Variants in IGF2R observed in about 807,000 individuals in gnomAD.
The protein encoded by IGF2R is insulin like growth factor 2 receptor.
Under a neutral mutation model 270.6 loss-of-function variants are expected in IGF2R, and 91 were observed. The observed-to-expected ratio is 0.34, with a 90% CI of 0.28 to 0.40. The LOEUF (loss-of-function observed/expected upper bound fraction) is 0.40, where lower values mean the gene tolerates loss of function less well. IGF2R is among the 10% of genes least tolerant of loss of function. The pLI is 1.00. For missense variants in IGF2R, 2,805 were observed against 3,188.3 expected (o/e 0.88, Z 2.90); for synonymous variants, 1,316 against 1,258.9 (o/e 1.05, Z -0.96).
At position 160,048,427 on chromosome 6, in the gene IGF2R, T is replaced by A. The variant is rs1244497922; in HGVS notation, c.2398T>A (p.Ser800Thr). 2.5e-6 allele frequency: 4 copies of A among 1,614,250 alleles called. No homozygotes were observed. Among genetic ancestry groups the A allele is most frequent in the Admixed American group, 1.7e-5 (1 of 60,036 alleles). ...AGGAAACTGGTATGCCATGGACAAC[T>A]CAGGGGAACATGTCACGTGGAGGAA... ...LGGNWYAMDN[S>T]GEHVTWRKYY... The change falls in exon 18 of 48, where the codon TCA becomes ACA. Residue 800 changes from serine to threonine, a missense_variant. This residue lies in a region of IGF2R where 1,851 missense variants were observed against 2,207.2 expected (regional missense o/e 0.84). Transcript: ENST00000356956.
intron 41 of IGF2R, among the ~76,000 whole-genome samples, chr6:160,086,977 C>T (rs1026949194): frequency 1.3e-5 from 2 of 152,054 alleles, no homozygotes; most frequent in Non-Finnish European, 2.9e-5. Flanking sequence ...GGGCCCAGAC[C>T]GTTCCCAGAA....
At chr6:160,072,276 C>G (rs959710387) in intron 32 of IGF2R, among the ~76,000 whole-genome samples, 3 of 152,140 alleles carry the variant, frequency 2.0e-5, no homozygotes, top group African/African-American at 4.8e-5. Context: ...CTGTCACTCT[C>G]CTGGTGTGAG....
intron 2 of IGF2R, among the ~76,000 whole-genome samples, chr6:160,007,974 G>A (rs1296732389): frequency 1.3e-5 from 2 of 152,178 alleles, no homozygotes; most frequent in African/African-American, 2.4e-5. Context: ...TTAGACAGGG[G>A]TGTCCAATCT....
chr6:160,087,922 C>G, intron 41 of IGF2R, 111 bp from the exon 42 acceptor site: 1 of 689,004 alleles, frequency 1.5e-6, no homozygotes, highest in Admixed American at 2.1e-5. Flanking sequence ...GTGATCTGCC[C>G]TCTTTGGTTT....
intron 22 of IGF2R, 91 bp downstream of exon 22, chr6:160,059,189 ATCCCC>A: frequency 9.6e-7 from 1 of 1,041,558 alleles, no homozygotes; most frequent in Admixed American, 2.2e-5. Context: ...GGATGTGCAC[ATCCCC>A]CGCCACCATG....
chr6:159,969,798 G>T (rs1291686895), intron 1 of IGF2R, among the ~76,000 whole-genome samples: 1 of 152,214 alleles, frequency 6.6e-6, no homozygotes, highest in African/African-American at 2.4e-5. Context: ...TCAGAGTTTC[G>T]CCAGCGGGGC....
At chr6:159,979,545 G>A (rs763972953) in intron 1 of IGF2R, among the ~76,000 whole-genome samples, 2 of 152,236 alleles carry the variant, frequency 1.3e-5, no homozygotes, top group Non-Finnish European at 2.9e-5. Flanking sequence ...TGCTGGACAT[G>A]CGGAGGGAGA....
intron 1 of IGF2R, among the ~76,000 whole-genome samples, chr6:159,973,149 G>A (rs113767776): frequency 5.3e-5 from 8 of 152,146 alleles, no homozygotes; most frequent in African/African-American, 1.9e-4. Context: ...AGAAGAGAGG[G>A]CATTCAGGAG....
chr6:159,994,252 A>G (rs1784019693), intron 2 of IGF2R, among the ~76,000 whole-genome samples: 1 of 151,852 alleles, frequency 6.6e-6, no homozygotes, highest in African/African-American at 2.4e-5. Flanking sequence ...AGAGATGTTT[A>G]TAGTAGCCTC....
chr6:160,050,368 C>A lies in IGF2R; in HGVS notation c.2515-105C>A. On this transcript the variant is annotated intron_variant, in intron 18 of 47. Transcript: ENST00000356956. The surrounding 1 kb of genome is among the most constrained non-coding windows in gnomAD (Gnocchi z 4.0). Reference sequence around the variant, plus strand: ...TCCCCAGGAGCAGTGGTTCTGTATTCAATAATTCATTGTTTGCTGCAGCTT... The same window carrying A: ...TCCCCAGGAGCAGTGGTTCTGTATTAAATAATTCATTGTTTGCTGCAGCTT... The A allele has an allele frequency of 8.7e-7, 1 of 1,147,950 alleles. No individual in the cohort carries two copies. The highest frequency in any genetic ancestry group is 1.3e-6 in the Non-Finnish European group (1 of 795,806). The allele number at this position is 1,147,950 out of a possible 1,614,324, so 71.1% of individuals were successfully genotyped here. A position where few individuals can be genotyped will look rare whatever the true frequency, so the allele number is the denominator to read the frequency against.
Position 160,061,528 on chromosome 6 carries a change from G to C in IGF2R, c.3288G>C (p.Leu1096=). 6.2e-7 allele frequency: 1 copy of C among 1,614,138 alleles called. No homozygotes were observed. Among genetic ancestry groups the C allele is most frequent in the Non-Finnish European group, 8.5e-7 (1 of 1,180,016 alleles). The change falls in exon 24 of 48, where the codon CTG becomes CTC. Residue 1096 remains leucine, a synonymous_variant. Coordinates refer to ENST00000356956, the MANE Select transcript of IGF2R (RefSeq NM_000876.4). ...VTDLAGNEYD[L]TGLSTVRKPW... ...ACCTGGCTGGAAATGAGTACGACCT[G>C]ACTGGCCTAAGCACAGTCAGGAAAC... is the stretch of plus-strand genomic sequence containing the variant.
chr6:160,098,301 C>T (rs1455972250), intron 45 of IGF2R, among the ~76,000 whole-genome samples: 1 of 152,070 alleles, frequency 6.6e-6, no homozygotes, highest in Non-Finnish European at 1.5e-5. Context: ...CTCCAGGAAA[C>T]CTCGGTTTCA....
At chr6:159,984,836 T>C (rs1040803336) in intron 1 of IGF2R, among the ~76,000 whole-genome samples, 2 of 152,210 alleles carry the variant, frequency 1.3e-5, no homozygotes, top group African/African-American at 4.8e-5. Flanking sequence ...TCTGAAAATA[T>C]GAAGATATTT....
Position 160,061,654 on chromosome 6 carries a change from C to A in IGF2R, c.3406+8C>A. The A allele has an allele frequency of 1.2e-6, 2 of 1,614,098 alleles. No homozygotes were observed. The highest frequency in any genetic ancestry group is 1.7e-6 in the Non-Finnish European group (2 of 1,179,984). The stretch of plus-strand genomic sequence containing the variant: ...ACATTCCTGGATGCCAGGGTGAGTT[C>A]TCCTTGGTCTCTTGATTGGCGTCTG... On this transcript the variant is annotated splice_region_variant and intron_variant, in intron 24 of 47. Coordinates refer to ENST00000356956, the MANE Select transcript of IGF2R (RefSeq NM_000876.4).
intron 11 of IGF2R, among the ~76,000 whole-genome samples, chr6:160,041,230 G>A (rs1181926539): frequency 6.6e-6 from 1 of 151,200 alleles, no homozygotes; most frequent in African/African-American, 2.4e-5. Context: ...AAGAATGGGA[G>A]TCTCAAGCAG....
In IGF2R at chr6:160,079,840, T is replaced by C. The variant is rs962195071; in HGVS notation, c.5686+53T>C. On this transcript the variant is annotated intron_variant, in intron 38 of 47. Coordinates refer to ENST00000356956, the MANE Select transcript of IGF2R (RefSeq NM_000876.4). ...CTTCAAGCTCATAGTAAACTAGAAA[T>C]TAGACATAGCAGCAGAAAGAAGCTG... is the stretch of plus-strand genomic sequence containing the variant. The C allele has an allele frequency of 2.8e-6, 4 of 1,407,356 alleles. No individual in the cohort carries two copies. The African/African-American group carries it at 5.8e-5, about 20-fold the overall frequency. The allele number at this position is 1,407,356 out of a possible 1,614,324, so 87.2% of individuals were successfully genotyped here.
intron 7 of IGF2R, among the ~76,000 whole-genome samples, chr6:160,030,040 T>A (rs1202917445): frequency 1.3e-5 from 2 of 152,200 alleles, no homozygotes; most frequent in Non-Finnish European, 2.9e-5. Flanking sequence ...TGATTTCTTA[T>A]GAGAAGCCTT....
intron 4 of IGF2R, among the ~76,000 whole-genome samples, chr6:160,015,836 C>G (rs898033396): frequency 3.3e-5 from 5 of 152,182 alleles, no homozygotes; most frequent in Admixed American, 3.3e-4. Context: ...GTCCTCATGA[C>G]AGTGAGTGAA....
At chr6:160,048,261 G>C in intron 17 of IGF2R, 114 bp from the exon 18 acceptor site, 2 of 1,003,404 alleles carry the variant, frequency 2.0e-6, no homozygotes, top group South Asian at 2.8e-5. Context: ...CTGGTAGTGT[G>C]ATTGGTGGAG....
Sources: allele counts gnomAD v4.1 joint callset (sites outside exome capture counted in the v4.1 genomes callset), GRCh38; gene constraint gnomAD v4.1.1; regional missense constraint gnomAD v4.1.1; non-coding constraint Gnocchi (gnomAD v3.1); transcripts MANE v1.5; gene names NCBI Gene and HGNC (gene_info 2026-07-23, HGNC 2026-07-21).